The following UTY variants were observed in gnomAD, a reference collection of about 807,000 sequenced individuals.
The protein encoded by UTY is ubiquitously transcribed tetratricopeptide repeat containing, Y-linked.
In UTY, 12 loss-of-function variants were observed where a neutral mutation model predicts 32.5. That is an observed-to-expected ratio of 0.37 (90% confidence interval 0.24 to 0.60). The LOEUF is 0.60. Among genes scored for constraint, UTY ranks in the 20% least tolerant of loss-of-function variants. The pLI is 0.69. For synonymous variants in UTY, 131 were observed against 103.4 expected (o/e 1.27, Z -1.62); for missense variants, 303 against 299.2 (o/e 1.01, Z -0.09).
At chrY:13,435,427 C>G in intron 4 of UTY, among the ~76,000 whole-genome samples, 1 of 33,297 alleles carries the variant, frequency 3.0e-5, no homozygotes, top group Admixed American at 2.7e-4. Flanking sequence ...TCGAGCCTGA[C>G]TGGTCAAGAT....
chrY:13,422,445 T>C, intron 4 of UTY, among the ~76,000 whole-genome samples: 2 of 32,890 alleles, frequency 6.1e-5, no homozygotes, highest in Admixed American at 5.5e-4. Flanking sequence ...AAAATCCAAC[T>C]AGCTTCATTT....
At chrY:13,364,894 T>A in intron 10 of UTY, among the ~76,000 whole-genome samples, 1 of 34,118 alleles carries the variant, frequency 2.9e-5, no homozygotes, top group South Asian at 6.3e-4. Flanking sequence ...AAATTTTTTA[T>A]GTTCCTACCA....
intron 4 of UTY, among the ~76,000 whole-genome samples, chrY:13,446,619 T>TAGATAGATAGAC (rs1556515298): frequency 3.5e-4 from 5 of 14,268 alleles, no homozygotes; most frequent in Admixed American, 1.4e-3. Context: ...GATAGATAGA[T>TAGATAGATAGAC]AGACAGACAG....
rs768832484 is a variant in UTY, at chrY:13,342,089, A to G, written c.2062-5754T>C. Among the ~76,000 whole-genome samples the G allele has an allele frequency of 8.4e-4, 28 of 33,374 alleles. No individual in the cohort carries two copies. In the East Asian group the frequency reaches 0.022, roughly 27 times the overall value. 89.5% of individuals were successfully genotyped at this position (33,374 alleles called of 37,273 possible). ...GTAAAGATGCATTTTGCAAGTGGGA[A>G]AATGAGGCAATGTATAAGGAATTAT... On this transcript the variant is annotated intron_variant, in intron 17 of 29. Transcript: ENST00000545955.
chrY:13,406,490 A>C (rs2070032766), intron 6 of UTY, among the ~76,000 whole-genome samples: 1 of 31,056 alleles, frequency 3.2e-5, no homozygotes, highest in African/African-American at 1.2e-4. Flanking sequence ...ATCAGCATTT[A>C]TTATTTTCCA....
At chrY:13,324,570 A>T (rs758171028) in intron 20 of UTY, 31 bp downstream of exon 20, 2 of 361,896 alleles carry the variant, frequency 5.5e-6, no homozygotes, top group Non-Finnish European at 3.9e-6. Context: ...AAGATAGTAA[A>T]ATATATATTC....
intron 21 of UTY, among the ~76,000 whole-genome samples, chrY:13,318,015 C>A (rs966852859): frequency 7.0e-4 from 22 of 31,214 alleles, no homozygotes; most frequent in African/African-American, 2.6e-3. Context: ...TAAAAATTAT[C>A]AGGGCATGAT....
At chrY:13,295,494 C>T (rs778002572) in intron 27 of UTY, among the ~76,000 whole-genome samples, 31 of 33,321 alleles carry the variant, frequency 9.3e-4, no homozygotes, top group Admixed American at 2.2e-3. Context: ...TCTCTGTGCC[C>T]CCACTCAAAT....
chrY:13,315,188 T>C (rs542994685), intron 21 of UTY, among the ~76,000 whole-genome samples: 2 of 33,976 alleles, frequency 5.9e-5, no homozygotes, highest in African/African-American at 2.3e-4. Flanking sequence ...TCATAAAAAA[T>C]AGTAAAATTA....
intron 8 of UTY, among the ~76,000 whole-genome samples, chrY:13,385,478 G>A: frequency 3.0e-5 from 1 of 33,154 alleles, no homozygotes; most frequent in Non-Finnish European, 7.4e-5. Context: ...CTTCGAGACT[G>A]AAGGGCAGCG....
intron 21 of UTY, among the ~76,000 whole-genome samples, chrY:13,314,741 T>C: frequency 2.9e-5 from 1 of 34,131 alleles, no homozygotes; most frequent in Non-Finnish European, 7.3e-5. Context: ...AACTATAAAA[T>C]TGTGAGAACA....
In UTY at chrY:13,360,004, G is replaced by A; in HGVS notation, c.966-18C>T. 1 of 382,827 alleles carries A rather than the reference G, an allele frequency of 2.6e-6. No individual in the cohort carries two copies. Among genetic ancestry groups the A allele is most frequent in the Middle Eastern group, 6.7e-4 (1 of 1,482 alleles). On this transcript the variant is annotated intron_variant, in intron 11 of 29. Transcript: ENST00000545955. ...ACAACACACTGGAAAGAAAAAGAAT[G>A]CTGTCAAAAACTACTGGTTACTTTC...
In UTY at chrY:13,351,883, C is replaced by G; in HGVS notation, c.2061+3120G>C. Among the ~76,000 whole-genome samples the G allele has an allele frequency of 1.2e-4, 4 of 33,866 alleles. No homozygotes were observed. The East Asian group carries it at 3.1e-3, about 26-fold the overall frequency. 90.9% of individuals were successfully genotyped at this position (33,866 alleles called of 37,273 possible). ...CTGAACTTCAAAGACACTATGTTTA[C>G]TACAAATTGAAGGTATGTGGCAACA... On this transcript the variant is annotated intron_variant, in intron 17 of 29. Transcript: ENST00000545955.
At position 13,303,003 on chromosome Y, in the gene UTY, A is replaced by C; in HGVS notation, c.3566-12T>G. 7.3e-6 allele frequency: 2 copies of C among 274,927 alleles called. No homozygotes were observed. Among genetic ancestry groups the C allele is most frequent in the African/African-American group, 1.5e-4 (2 of 13,484 alleles). The allele number at this position is 274,927 out of a possible 400,897, so 68.6% of individuals were successfully genotyped here. A position where few individuals can be genotyped will look rare whatever the true frequency, so the allele number is the denominator to read the frequency against. On this transcript the variant is annotated splice_polypyrimidine_tract_variant and intron_variant, in intron 24 of 29. Transcript: ENST00000545955. ...ATTTTCTTGGTGACCTGAAAAGTAAAAGAAAATGTAAGTCACAATTGTAGC... is the reference window on the plus strand; with the variant it reads ...ATTTTCTTGGTGACCTGAAAAGTAACAGAAAATGTAAGTCACAATTGTAGC...
intron 4 of UTY, among the ~76,000 whole-genome samples, chrY:13,435,747 T>G (rs1278726950): frequency 3.0e-5 from 1 of 33,142 alleles, no homozygotes; most frequent in Non-Finnish European, 7.5e-5. Context: ...GGCCCCGGGG[T>G]CGGGGGAGAC....
chrY:13,236,181 G>A, intron 28 of UTY, among the ~76,000 whole-genome samples: 1 of 32,330 alleles, frequency 3.1e-5, no homozygotes, highest in African/African-American at 1.2e-4. Flanking sequence ...GAAATGTGGG[G>A]AAAAACAGTA....
intron 21 of UTY, among the ~76,000 whole-genome samples, chrY:13,321,640 C>CT (rs2059848509): frequency 3.0e-5 from 1 of 33,267 alleles, no homozygotes; most frequent in Non-Finnish European, 7.4e-5. Flanking sequence ...CCCCTCACTA[C>CT]TTTGAGTTGT....
At chrY:13,357,374 A>G (rs2063035102) in intron 15 of UTY, among the ~76,000 whole-genome samples, 1 of 32,340 alleles carries the variant, frequency 3.1e-5, no homozygotes, top group Admixed American at 2.8e-4. Flanking sequence ...AACATGGTGA[A>G]ACCCTGTCTC....
chrY:13,271,877 G>A (rs1004036190), intron 27 of UTY, among the ~76,000 whole-genome samples: 1 of 33,854 alleles, frequency 3.0e-5, no homozygotes, highest in African/African-American at 1.2e-4. Context: ...GGAAACAGAA[G>A]CATTAGTGTC....
Sources: gnomAD v4.1 joint callset for allele counts (sites outside exome capture counted in the v4.1 genomes callset) on GRCh38, gnomAD v4.1.1 for gene constraint, MANE v1.5 for transcripts, NCBI Gene and HGNC (gene_info 2026-07-23, HGNC 2026-07-21) for gene names.